Variants in CHST9 observed in about 807,000 individuals in gnomAD.
The protein encoded by CHST9 is carbohydrate sulfotransferase 9.
A neutral mutation model predicts 44.4 loss-of-function variants in CHST9; 41 were observed. The ratio of observed to expected loss-of-function variants is 0.92; its 90% CI spans 0.72 to 1.20. CHST9 has a LOEUF of 1.20. Among genes scored for constraint, CHST9 ranks in the 50% most tolerant of loss-of-function variants. The pLI, the probability that CHST9 is intolerant of heterozygous loss-of-function variation, is 0.00. For missense variants in CHST9, 504 were observed against 516.5 expected, an observed-to-expected ratio of 0.98 and a Z score of 0.23; for synonymous variants, 171 against 178.4, an observed-to-expected ratio of 0.96 and a Z score of 0.33.
chr18:27,025,962 CA>C (rs962292972), intron 3 of CHST9, among the ~76,000 whole-genome samples: 3 of 152,056 alleles, frequency 2.0e-5, no homozygotes, highest in African/African-American at 7.2e-5. Context: ...ACTGGTTATT[CA>C]AAAAATCTGC....
At position 27,031,841 on chromosome 18, in the gene CHST9, T is replaced by C. The variant is rs2057343873; in HGVS notation, c.161-7684A>G. 1.3e-5 allele frequency among the ~76,000 whole-genome samples: 2 copies of C among 152,192 alleles called. 1 individual carries two copies. The highest frequency in any genetic ancestry group is 2.9e-5 in the Non-Finnish European group (2 of 68,038). On this transcript the variant is annotated intron_variant, in intron 3 of 5. Coordinates refer to ENST00000618847, the MANE Select transcript of CHST9 (RefSeq NM_031422.6). ...ATGGTTTCTTCTCTCAGTTTCAGAG[T>C]GGCCATCCTCTGAACTACAGCAGGC...
intron 4 of CHST9, among the ~76,000 whole-genome samples, chr18:26,999,978 C>T (rs1012597076): frequency 1.3e-5 from 2 of 152,148 alleles, no homozygotes; most frequent in African/African-American, 4.8e-5. Flanking sequence ...GAGGGGAAAC[C>T]CCTTAAATAC....
At chr18:27,110,573 A>AG (rs1218664284) in intron 2 of CHST9, among the ~76,000 whole-genome samples, 2 of 152,206 alleles carry the variant, frequency 1.3e-5, no homozygotes, top group African/African-American at 4.8e-5. Flanking sequence ...AGGATGGTCC[A>AG]GCAAGGCCTC....
chr18:27,060,694 C>T (rs1316583138), intron 2 of CHST9, among the ~76,000 whole-genome samples: 2 of 152,198 alleles, frequency 1.3e-5, no homozygotes, highest in African/African-American at 4.8e-5. Flanking sequence ...TGGTACCCAA[C>T]CCTCTTCTCA....
chr18:26,942,941 C>G (rs917134495), intron 5 of CHST9, among the ~76,000 whole-genome samples: 2 of 152,018 alleles, frequency 1.3e-5, no homozygotes, highest in African/African-American at 4.8e-5. Context: ...AACCTGGTCT[C>G]TACTAAAAAT....
intron 2 of CHST9, among the ~76,000 whole-genome samples, chr18:27,138,532 A>C (rs1401408133): frequency 6.6e-6 from 1 of 151,950 alleles, no homozygotes; most frequent in East Asian, 1.9e-4. Context: ...CAGTCAAGGC[A>C]CAAGCTTGGG....
At chr18:26,938,088 T>C (rs2056025475) in intron 5 of CHST9, among the ~76,000 whole-genome samples, 1 of 83,412 alleles carries the variant, frequency 1.2e-5, no homozygotes, top group Non-Finnish European at 2.8e-5. Flanking sequence ...CAACCACTAT[T>C]TTCTTCTTGG....
At chr18:27,156,059 C>T (rs1416210642) in intron 1 of CHST9, among the ~76,000 whole-genome samples, 1 of 151,072 alleles carries the variant, frequency 6.6e-6, no homozygotes, top group Non-Finnish European at 1.5e-5. Flanking sequence ...GATATTATCA[C>T]ACAATATGCA....
Position 26,915,629 on chromosome 18 carries a change from T to C in CHST9, c.*630A>G, listed in dbSNP as rs904881581. On this transcript the variant is annotated 3_prime_UTR_variant, in exon 6 of 6. Coordinates refer to ENST00000618847, the MANE Select transcript of CHST9 (RefSeq NM_031422.6). ...TTTTCTGGAAGAAGAAGGTTGGTTTTGTTGCTTTGATCTTAGCATGTTGTG... is the reference window on the plus strand; with the variant it reads ...TTTTCTGGAAGAAGAAGGTTGGTTTCGTTGCTTTGATCTTAGCATGTTGTG... 1 of 152,152 alleles carries C rather than the reference T, an allele frequency of 6.6e-6. No individual in the cohort carries two copies. The highest frequency in any genetic ancestry group is 2.4e-5 in the African/African-American group (1 of 41,452). 9.4% of individuals were successfully genotyped at this position (152,152 alleles called of 1,614,324 possible). A position where few individuals can be genotyped will look rare whatever the true frequency, so the allele number is the denominator to read the frequency against.
At chr18:27,111,964 T>C (rs1264899958) in intron 2 of CHST9, among the ~76,000 whole-genome samples, 1 of 152,124 alleles carries the variant, frequency 6.6e-6, no homozygotes, top group Non-Finnish European at 1.5e-5. Flanking sequence ...TCAGCTTTCC[T>C]GGGTCTCCAG....
At chr18:27,119,394 G>C (rs904490692) in intron 2 of CHST9, among the ~76,000 whole-genome samples, 7 of 152,010 alleles carry the variant, frequency 4.6e-5, no homozygotes, top group African/African-American at 1.7e-4. Context: ...CTGGGATATT[G>C]GGACCCCAGT....
At chr18:27,071,956 C>G (rs1315246818) in intron 2 of CHST9, among the ~76,000 whole-genome samples, 1 of 152,172 alleles carries the variant, frequency 6.6e-6, no homozygotes, top group Non-Finnish European at 1.5e-5. Flanking sequence ...AATTGGCCTT[C>G]TACATATTTG....
At chr18:27,019,032 C>T (rs1189712145) in intron 4 of CHST9, among the ~76,000 whole-genome samples, 2 of 152,228 alleles carry the variant, frequency 1.3e-5, no homozygotes, top group East Asian at 1.9e-4. Flanking sequence ...CCCTGAGCCA[C>T]GCCCTGTGCT....
At chr18:27,012,636 A>C (rs1282390983) in intron 4 of CHST9, among the ~76,000 whole-genome samples, 1 of 152,184 alleles carries the variant, frequency 6.6e-6, no homozygotes, top group Admixed American at 6.5e-5. Flanking sequence ...TTGGCATGGA[A>C]ATGGAAACTA....
intron 3 of CHST9, among the ~76,000 whole-genome samples, chr18:27,037,507 T>G (rs765767965): frequency 1.4e-4 from 21 of 152,084 alleles, no homozygotes; most frequent in Non-Finnish European, 2.5e-4. Flanking sequence ...CTGGGCAACA[T>G]AGTGAGACCT....
At chr18:26,999,954 A>C (rs755854491) in intron 4 of CHST9, among the ~76,000 whole-genome samples, 1 of 152,238 alleles carries the variant, frequency 6.6e-6, no homozygotes, top group Admixed American at 6.5e-5. Context: ...TATAAAGCAC[A>C]TTTCTTAAAA....
At chr18:27,074,648 G>C (rs76611000) in intron 2 of CHST9, among the ~76,000 whole-genome samples, 1 of 152,016 alleles carries the variant, frequency 6.6e-6, no homozygotes, top group African/African-American at 2.4e-5. Flanking sequence ...TAGGGTTGCG[G>C]GGGTTTGATG....
At chr18:27,094,716 C>A (rs544220631) in intron 2 of CHST9, among the ~76,000 whole-genome samples, 16 of 152,258 alleles carry the variant, frequency 1.1e-4, no homozygotes, top group Admixed American at 9.8e-4. Flanking sequence ...CATTTTTACT[C>A]CAATTAACCC....
At chr18:26,947,117 C>T (rs183628487) in intron 4 of CHST9, among the ~76,000 whole-genome samples, 363 of 152,238 alleles carry the variant, frequency 2.4e-3, no homozygotes, top group Middle Eastern at 3.4e-3. Flanking sequence ...GGCAGTGTGG[C>T]CATTTTCACG....
Sources: gnomAD v4.1 joint callset for allele counts (sites outside exome capture counted in the v4.1 genomes callset) on GRCh38, gnomAD v4.1.1 for gene constraint, MANE v1.5 for transcripts, NCBI Gene and HGNC (gene_info 2026-07-23, HGNC 2026-07-21) for gene names.